ST6GALNAC5: variants seen among roughly 807,000 people sequenced by gnomAD.
ST6GALNAC5 encodes the protein alpha-N-acetylgalactosaminide alpha-2,6-sialyltransferase 5.
ST6GALNAC5 carries 27 observed loss-of-function variants against 33.6 expected under a neutral mutation model. The observed-to-expected ratio is 0.80, with a 90% confidence interval of 0.59 to 1.11. The LOEUF (loss-of-function observed/expected upper bound fraction) is 1.11, where lower values mean the gene tolerates loss of function less well. ST6GALNAC5 is among the 50% of genes least tolerant of loss of function. The probability of loss-of-function intolerance (pLI) is 0.00; values close to 1 mark genes in which losing one functional copy is unlikely to be tolerated. For missense variants in ST6GALNAC5, 428 were observed against 454.0 expected, an observed-to-expected ratio of 0.94 and a Z score of 0.52; for synonymous variants, 194 against 171.2, an observed-to-expected ratio of 1.13 and a Z score of -1.04.
chr1:76,957,429 C>A (rs1268082139), intron 2 of ST6GALNAC5, among the ~76,000 whole-genome samples: 4 of 152,086 alleles, frequency 2.6e-5, no homozygotes, highest in Non-Finnish European at 5.9e-5. Context: ...TTCAGTATGA[C>A]CTCATCATAA....
chr1:76,902,063 A>G (rs1646822884), intron 2 of ST6GALNAC5, among the ~76,000 whole-genome samples: 1 of 152,074 alleles, frequency 6.6e-6, no homozygotes, highest in Admixed American at 6.6e-5. Context: ...TTCCCTCTTT[A>G]TTGTGATTGT....
intron 2 of ST6GALNAC5, among the ~76,000 whole-genome samples, chr1:76,991,756 C>T (rs1266682637): frequency 2.0e-5 from 3 of 152,052 alleles, no homozygotes. Flanking sequence ...CACCTGGATG[C>T]TTTATAGACA....
chr1:76,984,973 G>C (rs553909823), intron 2 of ST6GALNAC5, among the ~76,000 whole-genome samples: 1 of 152,114 alleles, frequency 6.6e-6, no homozygotes, highest in Non-Finnish European at 1.5e-5. Flanking sequence ...CAGCTTTCTT[G>C]CTAAAAACAC....
Position 77,067,157 on chromosome 1 carries a change from C to CT in ST6GALNAC5, c.*3952dup. Among the ~76,000 whole-genome samples the CT allele has an allele frequency of 8.0e-6, 1 of 125,258 alleles. No individual in the cohort carries two copies. The highest frequency in any genetic ancestry group is 2.6e-4 in the South Asian group (1 of 3,802). 82.2% of individuals were successfully genotyped at this position (125,258 alleles called of 152,430 possible). A position where few individuals can be genotyped will look rare whatever the true frequency, so the allele number is the denominator to read the frequency against. On this transcript the variant is annotated 3_prime_UTR_variant, in exon 5 of 5. Coordinates refer to ENST00000477717, the MANE Select transcript of ST6GALNAC5 (RefSeq NM_030965.3). ...TCAAAGAGAACTATAATAATAAGCC[C>CT]TGGGGGGCAGGATGTGTGAACCAAT...
rs1265790156 is a variant in ST6GALNAC5 at position 77,063,204 on chromosome 1, T to C, written c.1009T>C (p.Ter337GlnextTer20). The C allele has an allele frequency of 6.2e-7, 1 of 1,613,074 alleles. No homozygotes were observed. Residue 337 changes from the stop codon to glutamine, a stop_lost, in exon 5 of 5, where the codon TAA becomes CAA. Coordinates refer to ENST00000477717, the MANE Select transcript of ST6GALNAC5 (RefSeq NM_030965.3). ...TCATCCTGAGAATAAACCTGTGTTCTAAGGAATGAGCATGCCAGACTGTAA... is the reference window on the plus strand; with the variant it reads ...TCATCCTGAGAATAAACCTGTGTTCCAAGGAATGAGCATGCCAGACTGTAA... Reference protein sequence around the residue: ...INHPENKPVF* With the variant: ...INHPENKPVFQ
chr1:76,990,228 T>C (rs116100543), intron 2 of ST6GALNAC5, among the ~76,000 whole-genome samples: 3,097 of 152,286 alleles, frequency 0.02, 38 homozygotes, highest in Non-Finnish European at 0.029. Context: ...AAGACGGTGC[T>C]TCTGAAGGTA....
At chr1:76,931,878 G>C (rs1647145144) in intron 2 of ST6GALNAC5, among the ~76,000 whole-genome samples, 1 of 151,978 alleles carries the variant, frequency 6.6e-6, no homozygotes, top group Admixed American at 6.6e-5. Context: ...GGATCATGCA[G>C]AAAAAGAATC....
At chr1:77,038,254 A>G (rs1436477780) in intron 2 of ST6GALNAC5, among the ~76,000 whole-genome samples, 1 of 152,168 alleles carries the variant, frequency 6.6e-6, no homozygotes, top group Non-Finnish European at 1.5e-5. Flanking sequence ...TCATAGAACA[A>G]AAAAGAAAGG....
At chr1:76,867,747 C>A (rs576506278) in intron 1 of ST6GALNAC5, 57 bp downstream of exon 1, 1 of 1,613,504 alleles carries the variant, frequency 6.2e-7, no homozygotes, top group Non-Finnish European at 8.5e-7. Context: ...GGCTCAGGGT[C>A]CACGGGACGC....
intron 2 of ST6GALNAC5, among the ~76,000 whole-genome samples, chr1:76,900,668 A>G (rs1646809081): frequency 6.6e-6 from 1 of 152,130 alleles, no homozygotes; most frequent in South Asian, 2.1e-4. Flanking sequence ...GATCAATCTC[A>G]TTTGAAAAGT....
At chr1:76,928,835 T>C (rs1647109844) in intron 2 of ST6GALNAC5, among the ~76,000 whole-genome samples, 1 of 152,082 alleles carries the variant, frequency 6.6e-6, no homozygotes, top group African/African-American at 2.4e-5. Context: ...AAAGTGTCTG[T>C]CTCCCTTATG....
chr1:76,890,569 G>C (rs1222154703), intron 2 of ST6GALNAC5, among the ~76,000 whole-genome samples: 1 of 151,294 alleles, frequency 6.6e-6, no homozygotes, highest in Admixed American at 6.6e-5. Context: ...GAGCTCTGTG[G>C]AGTTCTTTTA....
intron 3 of ST6GALNAC5, among the ~76,000 whole-genome samples, chr1:77,047,902 C>T (rs890732304): frequency 6.6e-6 from 1 of 152,108 alleles, no homozygotes; most frequent in Admixed American, 6.5e-5. Context: ...GACAGCTCTT[C>T]ATATTCTTTC....
At chr1:77,030,057 C>A (rs986532637) in intron 2 of ST6GALNAC5, among the ~76,000 whole-genome samples, 2 of 152,182 alleles carry the variant, frequency 1.3e-5, no homozygotes, top group African/African-American at 4.8e-5. Flanking sequence ...TCTTCATTAA[C>A]CTCTTGGGTC....
chr1:76,905,839 A>G (rs977445921), intron 2 of ST6GALNAC5, among the ~76,000 whole-genome samples: 1 of 152,170 alleles, frequency 6.6e-6, no homozygotes, highest in Non-Finnish European at 1.5e-5. Context: ...TTTGACATAT[A>G]CAGGAATATT....
intron 2 of ST6GALNAC5, among the ~76,000 whole-genome samples, chr1:76,881,502 T>A (rs992256820): frequency 9.9e-5 from 15 of 152,210 alleles, no homozygotes; most frequent in African/African-American, 3.6e-4. Flanking sequence ...ACTTTATTGT[T>A]ATTTCTTGTC....
chr1:77,015,147 C>T (rs959611968), intron 2 of ST6GALNAC5, among the ~76,000 whole-genome samples: 15 of 151,886 alleles, frequency 9.9e-5, no homozygotes, highest in African/African-American at 2.9e-4. Context: ...ATCCCATGAT[C>T]AGCAGATTGC....
chr1:77,006,323 T>A (rs1008288802), intron 2 of ST6GALNAC5, among the ~76,000 whole-genome samples: 1 of 13,314 alleles, frequency 7.5e-5, no homozygotes, highest in African/African-American at 1.8e-4. Context: ...CCCGGCTAAT[T>A]TTTTTTTTTT....
intron 2 of ST6GALNAC5, among the ~76,000 whole-genome samples, chr1:76,982,607 G>A (rs1261829668): frequency 6.6e-6 from 1 of 152,186 alleles, no homozygotes; most frequent in East Asian, 1.9e-4. Flanking sequence ...TTATCCAGGA[G>A]AACTTCCCTA....
Sources: allele counts gnomAD v4.1 joint callset (sites outside exome capture counted in the v4.1 genomes callset), GRCh38; gene constraint gnomAD v4.1.1; transcripts MANE v1.5; gene names NCBI Gene and HGNC (gene_info 2026-07-23, HGNC 2026-07-21).